GLRA2: variants seen among roughly 807,000 people sequenced by gnomAD.
GLRA2 encodes glycine receptor subunit alpha-2.
A neutral mutation model predicts 31.6 loss-of-function variants in GLRA2; 11 were observed. The ratio of observed to expected loss-of-function variants is 0.35; its 90% CI spans 0.22 to 0.58. The LOEUF (loss-of-function observed/expected upper bound fraction) is 0.58, where lower values mean the gene tolerates loss of function less well. GLRA2 is among the 20% of genes least tolerant of loss of function. GLRA2 has a pLI of 0.84. For synonymous variants in GLRA2, 132 were observed against 134.0 expected, an observed-to-expected ratio of 0.99 and a Z score of 0.10; for missense variants, 212 against 351.8, an observed-to-expected ratio of 0.60 and a Z score of 3.18.
chrX:14,552,789 A>G (rs528611174), intron 2 of GLRA2, among the ~76,000 whole-genome samples: 1 of 111,938 alleles, frequency 8.9e-6, no homozygotes, highest in Non-Finnish European at 1.9e-5. Context: ...TTGCTTTTCT[A>G]TAGTACTGCT....
intron 7 of GLRA2, among the ~76,000 whole-genome samples, chrX:14,668,672 A>C (rs2091058568): frequency 8.9e-6 from 1 of 111,789 alleles, no homozygotes; most frequent in Non-Finnish European, 1.9e-5. Context: ...GTGCAGGGAG[A>C]CTTCCATTTT....
chrX:14,701,031 C>T (rs1169302745), intron 8 of GLRA2, among the ~76,000 whole-genome samples: 3 of 109,420 alleles, frequency 2.7e-5, no homozygotes, highest in South Asian at 4.0e-4. Context: ...GGTGGGTAGG[C>T]GGACAGGATT....
chrX:14,484,155 T>C, the GLRA2 span, among the ~76,000 whole-genome samples: 1 of 112,019 alleles, frequency 8.9e-6, no homozygotes, highest in South Asian at 3.7e-4. Context: ...TAGTTCTGTC[T>C]GTCTAGAGAA....
intron 7 of GLRA2, among the ~76,000 whole-genome samples, chrX:14,670,473 AAG>A (rs2091079995): frequency 8.9e-6 from 1 of 112,038 alleles, no homozygotes; most frequent in African/African-American, 3.2e-5. Flanking sequence ...TTAGAAAAGA[AAG>A]AGGTTTAATG....
chrX:14,668,447 T>C (rs2091056347), intron 7 of GLRA2, among the ~76,000 whole-genome samples: 1 of 112,264 alleles, frequency 8.9e-6, no homozygotes. Flanking sequence ...CCACACACTA[T>C]TTTAATAAAA....
At chrX:14,648,213 G>C (rs963099189) in intron 7 of GLRA2, among the ~76,000 whole-genome samples, 5 of 111,956 alleles carry the variant, frequency 4.5e-5, no homozygotes, top group African/African-American at 1.6e-4. Flanking sequence ...AAACAAATAA[G>C]ACTTATCACT....
intron 2 of GLRA2, among the ~76,000 whole-genome samples, chrX:14,564,444 C>T (rs966367777): frequency 3.6e-5 from 4 of 111,079 alleles, no homozygotes; most frequent in East Asian, 5.6e-4. Context: ...ACTTGGCCTA[C>T]GAGAAATGAT....
chrX:14,458,765 G>C, the GLRA2 span, among the ~76,000 whole-genome samples: 1 of 111,548 alleles, frequency 9.0e-6, no homozygotes, highest in Non-Finnish European at 1.9e-5. Context: ...GTAGATTCTG[G>C]ATATTAGCCC....
At chrX:14,682,782 T>C (rs1361281013) in intron 7 of GLRA2, among the ~76,000 whole-genome samples, 2 of 104,649 alleles carry the variant, frequency 1.9e-5, no homozygotes, top group African/African-American at 7.0e-5. Context: ...TTCTCACCTA[T>C]GAGTGAGAAT....
At chrX:14,630,165 G>A (rs1356367763) in intron 7 of GLRA2, among the ~76,000 whole-genome samples, 1 of 111,405 alleles carries the variant, frequency 9.0e-6, no homozygotes, top group Admixed American at 9.6e-5. Flanking sequence ...TTATACGTCT[G>A]AAAAGTCTTT....
intron 7 of GLRA2, among the ~76,000 whole-genome samples, chrX:14,637,443 G>T (rs2090722370): frequency 8.9e-6 from 1 of 112,138 alleles, no homozygotes; most frequent in African/African-American, 3.2e-5. Flanking sequence ...ATCTAAGTGA[G>T]AGAGGGAGTA....
At chrX:14,645,059 C>A (rs1428673799) in intron 7 of GLRA2, among the ~76,000 whole-genome samples, 5 of 111,589 alleles carry the variant, frequency 4.5e-5, no homozygotes, top group Non-Finnish European at 9.4e-5. Flanking sequence ...AAAATTGTGG[C>A]CTGCACAACT....
At chrX:14,472,710 C>T in the GLRA2 span, among the ~76,000 whole-genome samples, 7 of 111,475 alleles carry the variant, frequency 6.3e-5, no homozygotes, top group African/African-American at 2.3e-4. Flanking sequence ...TGAAGGGTTG[C>T]TAGGTATGTT....
At chrX:14,661,885 A>AG (rs2090994317) in intron 7 of GLRA2, among the ~76,000 whole-genome samples, 1 of 108,204 alleles carries the variant, frequency 9.2e-6, no homozygotes, top group South Asian at 4.0e-4. Context: ...AAAAAAAAAA[A>AG]AAAAAAAGTA....
chrX:14,716,231 T>C (rs1184292161), intron 8 of GLRA2, among the ~76,000 whole-genome samples: 1 of 111,542 alleles, frequency 9.0e-6, no homozygotes, highest in African/African-American at 3.3e-5. Context: ...TATAGTCCTA[T>C]ACCCACAAAT....
chrX:14,507,092 G>A, the GLRA2 span, among the ~76,000 whole-genome samples: 1 of 111,829 alleles, frequency 8.9e-6, no homozygotes, highest in Non-Finnish European at 1.9e-5. Flanking sequence ...CCTAGTACCT[G>A]ACTCATGCCC....
chrX:14,597,989 C>T (rs1011470200), intron 4 of GLRA2, among the ~76,000 whole-genome samples: 1 of 111,457 alleles, frequency 9.0e-6, no homozygotes, highest in Admixed American at 9.6e-5. Context: ...ACTATTATCA[C>T]CATCACTTTA....
At chrX:14,520,599 T>C in the GLRA2 span, among the ~76,000 whole-genome samples, 1 of 112,386 alleles carries the variant, frequency 8.9e-6, no homozygotes, top group Non-Finnish European at 1.9e-5. Flanking sequence ...TTCTGACTTC[T>C]AAACAATTTA....
At chrX:14,725,437 G>A (rs912461162) in intron 8 of GLRA2, among the ~76,000 whole-genome samples, 7 of 111,056 alleles carry the variant, frequency 6.3e-5, no homozygotes, top group Non-Finnish European at 1.1e-4. Flanking sequence ...CTTGCATTGA[G>A]TGAGACTCAC....
Sources: allele counts gnomAD v4.1 joint callset (sites outside exome capture counted in the v4.1 genomes callset), GRCh38; gene constraint gnomAD v4.1.1; transcripts MANE v1.5; gene names NCBI Gene and HGNC (gene_info 2026-07-23, HGNC 2026-07-21).